PGM1: variants seen among roughly 807,000 people sequenced by gnomAD.
PGM1 encodes phosphoglucomutase-1.
PGM1 carries 52 observed loss-of-function variants against 55.6 expected under a neutral mutation model. The ratio of observed to expected loss-of-function variants is 0.94; its 90% confidence interval spans 0.75 to 1.18. The LOEUF is 1.18. Among genes scored for constraint, PGM1 ranks in the 50% most tolerant of loss-of-function variants. The pLI is 0.00. For missense variants in PGM1, 724 were observed against 729.3 expected (o/e 0.99, Z 0.08); for synonymous variants, 287 against 271.7 (o/e 1.06, Z -0.55).
intron 7 of PGM1, among the ~76,000 whole-genome samples, chr1:63,643,681 G>A (rs992257206): frequency 3.9e-5 from 6 of 152,218 alleles, no homozygotes; most frequent in South Asian, 4.1e-4. Flanking sequence ...ACTGGGGCCC[G>A]GCCATTCTTT....
At chr1:63,609,973 G>A (rs1648524458) in intron 1 of PGM1, among the ~76,000 whole-genome samples, 1 of 152,174 alleles carries the variant, frequency 6.6e-6, no homozygotes, top group Non-Finnish European at 1.5e-5. Context: ...CCACTTGGTG[G>A]CTACCTAATT....
intron 2 of PGM1, 127 bp from the exon 3 acceptor site, chr1:63,629,815 T>C: frequency 1.7e-6 from 2 of 1,184,952 alleles, no homozygotes; most frequent in Middle Eastern, 1.9e-4. Flanking sequence ...AGAAAAATCC[T>C]GCTACTTTGC....
chr1:63,606,980 C>T (rs1648437345), intron 1 of PGM1, among the ~76,000 whole-genome samples: 1 of 152,230 alleles, frequency 6.6e-6, no homozygotes, highest in Admixed American at 6.5e-5. Flanking sequence ...GTATGATTCA[C>T]ATACTATATA....
chr1:63,644,948 T>A (rs1649612238), intron 7 of PGM1, among the ~76,000 whole-genome samples: 1 of 152,236 alleles, frequency 6.6e-6, no homozygotes, highest in Non-Finnish European at 1.5e-5. Flanking sequence ...CTTTATCTAC[T>A]GAGCCACAAC....
chr1:63,610,062 T>C (rs1648526658), intron 1 of PGM1, among the ~76,000 whole-genome samples: 1 of 152,254 alleles, frequency 6.6e-6, no homozygotes, highest in Non-Finnish European at 1.5e-5. Context: ...AGTTTCATAA[T>C]TAATTGTACA....
In PGM1 at chr1:63,651,792, G is replaced by C. The variant is rs1279865894; in HGVS notation, c.1404G>C (p.Val468=). 3 of 1,613,896 alleles carry C rather than the reference G, an allele frequency of 1.9e-6. No individual in the cohort carries two copies. Among genetic ancestry groups the C allele is most frequent in the African/African-American group, 1.3e-5 (1 of 74,908 alleles). Residue 468 remains valine (V), a synonymous_variant, in exon 9 of 11, where the codon GTG becomes GTC. Coordinates refer to ENST00000371084, the MANE Select transcript of PGM1 (RefSeq NM_002633.3). ...QFSANDKVYT[V]EKADNFEYSD... ...CAGCAAATGACAAAGTTTACACTGT[G>C]GAGAAGGCCGATAACTTTGAATACA...
At chr1:63,639,756 C>T (rs1361634125) in intron 7 of PGM1, among the ~76,000 whole-genome samples, 1 of 152,170 alleles carries the variant, frequency 6.6e-6, no homozygotes, top group African/African-American at 2.4e-5. Context: ...AGTTGCAATT[C>T]ATGCCAGGTT....
intron 1 of PGM1, 155 bp downstream of exon 1, chr1:63,593,889 G>A: frequency 1.6e-6 from 2 of 1,262,792 alleles, no homozygotes; most frequent in Non-Finnish European, 2.0e-6. Flanking sequence ...TCGCTCTTCT[G>A]GCCTGGAGGC....
In PGM1 at chr1:63,659,929, G is replaced by C. The variant is rs1487938596; in HGVS notation, c.*254G>C. 1 of 583,714 alleles carries C rather than the reference G, an allele frequency of 1.7e-6. No homozygotes were observed. Among genetic ancestry groups the C allele is most frequent in the Non-Finnish European group, 3.1e-6 (1 of 323,038 alleles). 36.2% of individuals were successfully genotyped at this position (583,714 alleles called of 1,614,324 possible). Reference sequence around the variant, plus strand: ...GCCCTCCTGCATTGCTGCTGCGTGGGTATTTGTCTCCTTAGCCATCAGGTA... The same window carrying C: ...GCCCTCCTGCATTGCTGCTGCGTGGCTATTTGTCTCCTTAGCCATCAGGTA... On this transcript the variant is annotated 3_prime_UTR_variant, in exon 11 of 11. Transcript: ENST00000371084.
chr1:63,611,181 C>A (rs1473111156), intron 1 of PGM1, among the ~76,000 whole-genome samples: 2 of 151,944 alleles, frequency 1.3e-5, no homozygotes, highest in Non-Finnish European at 2.9e-5. Flanking sequence ...TATTGGGGGC[C>A]CTAGGGAGGG....
intron 8 of PGM1, among the ~76,000 whole-genome samples, chr1:63,649,941 G>T (rs907688040): frequency 6.6e-6 from 1 of 152,148 alleles, no homozygotes; most frequent in South Asian, 2.1e-4. Flanking sequence ...GCATAAATAC[G>T]TTTTGAACCG....
At chr1:63,604,567 G>A (rs966593828) in intron 1 of PGM1, among the ~76,000 whole-genome samples, 2 of 152,112 alleles carry the variant, frequency 1.3e-5, no homozygotes, top group African/African-American at 4.8e-5. Context: ...CTTGCAAGAA[G>A]GGCTGAAAAT....
chr1:63,597,075 G>T (rs1318644119), intron 1 of PGM1, among the ~76,000 whole-genome samples: 1 of 152,172 alleles, frequency 6.6e-6, no homozygotes, highest in Admixed American at 6.5e-5. Flanking sequence ...GGGAGGGGTG[G>T]TATACAGGAG....
At chr1:63,648,157 G>A (rs368923019) in intron 7 of PGM1, among the ~76,000 whole-genome samples, 2 of 152,278 alleles carry the variant, frequency 1.3e-5, no homozygotes, top group East Asian at 3.9e-4. Flanking sequence ...AAGAAAAGAG[G>A]TTTAATTGAC....
intron 1 of PGM1, among the ~76,000 whole-genome samples, chr1:63,619,050 G>C (rs1454153261): frequency 1.3e-5 from 2 of 152,172 alleles, no homozygotes; most frequent in Non-Finnish European, 2.9e-5. Context: ...TGCCTCAACT[G>C]TTCTTGCCCC....
chr1:63,615,846 T>G (rs1648698084), intron 1 of PGM1, among the ~76,000 whole-genome samples: 3 of 151,904 alleles, frequency 2.0e-5, no homozygotes, highest in Non-Finnish European at 4.4e-5. Context: ...AATTATTTGA[T>G]GGAGGGCCAA....
At chr1:63,623,130 G>A in intron 1 of PGM1, 1 of 868,784 alleles carries the variant, frequency 1.2e-6, no homozygotes, top group Non-Finnish European at 1.4e-6. Context: ...AGCACTCCTT[G>A]GAGCTATCTC....
intron 5 of PGM1, among the ~76,000 whole-genome samples, chr1:63,635,458 T>C (rs1351241375): frequency 6.6e-6 from 1 of 152,200 alleles, no homozygotes; most frequent in African/African-American, 2.4e-5. Flanking sequence ...TATATGAAGA[T>C]GATATTGAGA....
Position 63,593,438 on chromosome 1 carries a change from C to T in PGM1, c.-51C>T, listed in dbSNP as rs1007164791. The T allele has an allele frequency of 1.2e-6, 2 of 1,611,122 alleles. No individual in the cohort carries two copies. The highest frequency in any genetic ancestry group is 2.7e-5 in the African/African-American group (2 of 74,850). On this transcript the variant is annotated 5_prime_UTR_variant, in exon 1 of 11. Coordinates refer to ENST00000371084, the MANE Select transcript of PGM1 (RefSeq NM_002633.3). ...AGCAGCTGCAGCCTCAGCCGGCCGC[C>T]CCTCCGCCAGCCAAGTCCGCCGCTC...
Sources: allele counts gnomAD v4.1 joint callset (sites outside exome capture counted in the v4.1 genomes callset), GRCh38; gene constraint gnomAD v4.1.1; transcripts MANE v1.5; gene names NCBI Gene and HGNC (gene_info 2026-07-23, HGNC 2026-07-21).